The following ANKIB1 variants were observed in gnomAD, a reference collection of about 807,000 sequenced individuals.
ANKIB1 encodes ankyrin repeat and IBR domain containing 1.
ANKIB1 carries 43 observed loss-of-function variants against 122.1 expected under a neutral mutation model. The ratio of observed to expected loss-of-function variants is 0.35; its 90% CI spans 0.28 to 0.45. ANKIB1 has a LOEUF of 0.45. Among genes scored for constraint, ANKIB1 ranks in the 20% least tolerant of loss-of-function variants. ANKIB1 has a pLI of 1.00. For missense variants in ANKIB1, 992 were observed against 1,329.5 expected (o/e 0.75, Z 3.95); for synonymous variants, 390 against 442.0 (o/e 0.88, Z 1.48).
At chr7:92,288,504 A>G (rs1280456844) in intron 1 of ANKIB1, among the ~76,000 whole-genome samples, 2 of 152,226 alleles carry the variant, frequency 1.3e-5, no homozygotes, top group East Asian at 1.9e-4. Flanking sequence ...ACAAAGATTC[A>G]AAGGGAACTC....
chr7:92,255,531 C>T (rs908897614), intron 1 of ANKIB1, among the ~76,000 whole-genome samples: 1 of 152,146 alleles, frequency 6.6e-6, no homozygotes, highest in African/African-American at 2.4e-5. Flanking sequence ...TATATTCTTT[C>T]GCTCTTCATG....
intron 19 of ANKIB1, 62 bp from the exon 20 acceptor site, chr7:92,398,150 A>G (rs1234463631): frequency 1.3e-6 from 2 of 1,493,300 alleles, no homozygotes; most frequent in African/African-American, 2.8e-5. Context: ...GGTAAACCTG[A>G]TTGAGTTAAA....
chr7:92,344,973 T>C lies in ANKIB1; in HGVS notation c.997-5T>C. On this transcript the variant is annotated splice_region_variant and splice_polypyrimidine_tract_variant and intron_variant, in intron 6 of 19. Transcript: ENST00000265742. ...GTTTAAATCATTGTTCTTCTTCATC[T>C]CCAGTGTGACATTTGTATGTGCAGT... 1 of 1,598,796 alleles carries C rather than the reference T, an allele frequency of 6.3e-7. No homozygotes were observed. Among genetic ancestry groups the C allele is most frequent in the Non-Finnish European group, 8.6e-7 (1 of 1,167,888 alleles).
At chr7:92,289,619 G>A (rs1802205770) in intron 1 of ANKIB1, among the ~76,000 whole-genome samples, 3 of 152,088 alleles carry the variant, frequency 2.0e-5, no homozygotes. Context: ...TTCCCACTCT[G>A]GCCTCGTTCC....
At chr7:92,295,190 G>A in intron 2 of ANKIB1, 24 bp downstream of exon 2, 4 of 1,444,186 alleles carry the variant, frequency 2.8e-6, no homozygotes, top group Non-Finnish European at 3.7e-6. Flanking sequence ...TAAACTAATT[G>A]GTATTAGGGT....
intron 9 of ANKIB1, among the ~76,000 whole-genome samples, chr7:92,353,544 TCTTTA>T (rs1311064015): frequency 2.6e-5 from 4 of 152,216 alleles, no homozygotes; most frequent in Non-Finnish European, 4.4e-5. Flanking sequence ...GAAATTTTAG[TCTTTA>T]CTTTTATGCT....
intron 1 of ANKIB1, among the ~76,000 whole-genome samples, chr7:92,285,501 T>C (rs1476263368): frequency 6.6e-6 from 1 of 152,266 alleles, no homozygotes; most frequent in Non-Finnish European, 1.5e-5. Flanking sequence ...AAACTCTATG[T>C]GCACTATCAA....
intron 11 of ANKIB1, among the ~76,000 whole-genome samples, chr7:92,373,213 G>A (rs1323711545): frequency 6.6e-6 from 1 of 152,112 alleles, no homozygotes; most frequent in East Asian, 1.9e-4. Flanking sequence ...TCATCTATTT[G>A]TGATCTTATC....
rs1045001527 is a variant in ANKIB1 at position 92,352,590 on chromosome 7, C to A, written c.1345C>A (p.Pro449Thr). ...ATCTGGATCTGATACACTCAGCTTCCCATTGCTGAGAGCTCCTGCTGTTGA... is the reference window on the plus strand; with the variant it reads ...ATCTGGATCTGATACACTCAGCTTCACATTGCTGAGAGCTCCTGCTGTTGA... ...NTSGSDTLSFPLLRAPAVDCG... is the reference protein window; with the variant it reads ...NTSGSDTLSFTLLRAPAVDCG... The change falls in exon 9 of 20, where the codon CCA becomes ACA. Residue 449 changes from proline to threonine, a missense_variant. This residue lies in a region of ANKIB1 where 521 missense variants were observed against 777.7 expected (regional missense o/e 0.67). Coordinates refer to ENST00000265742, the MANE Select transcript of ANKIB1 (RefSeq NM_019004.2). The A allele has an allele frequency of 2.5e-6, 4 of 1,613,094 alleles. No individual in the cohort carries two copies. The African/African-American group carries it at 5.3e-5, about 22-fold the overall frequency.
intron 11 of ANKIB1, among the ~76,000 whole-genome samples, chr7:92,382,929 T>TA (rs1306188980): frequency 2.6e-5 from 4 of 151,898 alleles, no homozygotes; most frequent in Admixed American, 6.6e-5. Flanking sequence ...AAAACCCCTT[T>TA]AAAAAAATCA....
chr7:92,379,222 C>A (rs1804455522), intron 11 of ANKIB1, among the ~76,000 whole-genome samples: 1 of 152,150 alleles, frequency 6.6e-6, no homozygotes, highest in Non-Finnish European at 1.5e-5. Context: ...AACCCCATCT[C>A]TACTAAAAAT....
At chr7:92,305,253 A>C (rs1802537893) in intron 2 of ANKIB1, among the ~76,000 whole-genome samples, 1 of 152,222 alleles carries the variant, frequency 6.6e-6, no homozygotes, top group Admixed American at 6.5e-5. Flanking sequence ...CCAAGGTGAC[A>C]CAGCTAGAAA....
chr7:92,307,808 CTTT>C (rs71107855), intron 3 of ANKIB1, among the ~76,000 whole-genome samples, 152 bp downstream of exon 3: 3 of 47,906 alleles, frequency 6.3e-5, no homozygotes, highest in African/African-American at 2.8e-4. Context: ...TAAAGGGCCT[CTTT>C]TTTTTTTTTT....
chr7:92,350,411 CAT>C (rs1340268402), intron 7 of ANKIB1, among the ~76,000 whole-genome samples: 3 of 151,992 alleles, frequency 2.0e-5, no homozygotes, highest in Non-Finnish European at 2.9e-5. Context: ...AAAATAGAAA[CAT>C]AAAATATGAA....
In ANKIB1 at chr7:92,280,033, A is replaced by G. The variant is rs1005448393; in HGVS notation, c.-90-14856A>G. ...AAATTGCTTCTCTTTAACTGCAGACATTCTAGTAGGCAAAAATCATCAGCT... is the reference window on the plus strand; with the variant it reads ...AAATTGCTTCTCTTTAACTGCAGACGTTCTAGTAGGCAAAAATCATCAGCT... On this transcript the variant is annotated intron_variant, in intron 1 of 19. Transcript: ENST00000265742. Among the ~76,000 whole-genome samples, 11 of 152,224 alleles carry G rather than the reference A, an allele frequency of 7.2e-5. 1 individual carries two copies. The highest frequency in any genetic ancestry group is 1.6e-4 in the Non-Finnish European group (11 of 68,026).
chr7:92,336,280 A>T (rs1339020140), intron 5 of ANKIB1, among the ~76,000 whole-genome samples: 3 of 148,108 alleles, frequency 2.0e-5, no homozygotes, highest in African/African-American at 2.5e-5. Context: ...CACAGTAAAA[A>T]TTTTTTTTTT....
At chr7:92,277,944 C>T (rs377273623) in intron 1 of ANKIB1, among the ~76,000 whole-genome samples, 2 of 152,008 alleles carry the variant, frequency 1.3e-5, no homozygotes, top group African/African-American at 2.4e-5. Flanking sequence ...ATTAGCCCAG[C>T]GTGGTGGCAG....
At chr7:92,365,788 CTTTT>C (rs59131137) in intron 10 of ANKIB1, among the ~76,000 whole-genome samples, 1 of 58,298 alleles carries the variant, frequency 1.7e-5, no homozygotes, top group African/African-American at 7.0e-5. Flanking sequence ...ATTAAATAAT[CTTTT>C]TTTTTTTTTT....
chr7:92,395,477 G>A (rs1446658220), intron 17 of ANKIB1, among the ~76,000 whole-genome samples: 1 of 151,242 alleles, frequency 6.6e-6, no homozygotes, highest in Admixed American at 6.6e-5. Flanking sequence ...GTACTTAACA[G>A]TGTGTGTTAT....
Sources: allele counts gnomAD v4.1 joint callset (sites outside exome capture counted in the v4.1 genomes callset), GRCh38; gene constraint gnomAD v4.1.1; regional missense constraint gnomAD v4.1.1; transcripts MANE v1.5; gene names NCBI Gene and HGNC (gene_info 2026-07-23, HGNC 2026-07-21).